The following PIKFYVE variants were observed in gnomAD, a reference collection of about 807,000 sequenced individuals.
PIKFYVE encodes the protein phosphoinositide kinase, FYVE-type zinc finger containing.
A neutral mutation model predicts 257.9 loss-of-function variants in PIKFYVE; 122 were observed. The observed-to-expected ratio is 0.47, with a 90% CI of 0.41 to 0.55. The LOEUF (loss-of-function observed/expected upper bound fraction) is 0.55. PIKFYVE is among the 20% of genes least tolerant of loss of function. PIKFYVE has a pLI of 0.00. For missense variants in PIKFYVE, 2,160 were observed against 2,536.6 expected (o/e 0.85, Z 3.19); for synonymous variants, 892 against 868.9 (o/e 1.03, Z -0.47).
At chr2:208,327,575 T>G (rs2125602515) in intron 20 of PIKFYVE, among the ~76,000 whole-genome samples, 1 of 152,310 alleles carries the variant, frequency 6.6e-6, no homozygotes, top group East Asian at 1.9e-4. Context: ...CTGTTTGTAC[T>G]TAGGAAGTGA....
At position 208,358,574 on chromosome 2, in the gene PIKFYVE, A is replaced by T. The variant is rs1001438917; in HGVS notation, c.*3269A>T. ...AAATCATAGTAGCCTCTTTTAATTT[A>T]ATATGAAAAATGCCACTATATTGAA... is the stretch of plus-strand genomic sequence containing the variant. On this transcript the variant is annotated 3_prime_UTR_variant, in exon 42 of 42. Transcript: ENST00000264380. 1 of 152,590 alleles carries T rather than the reference A, an allele frequency of 6.6e-6. No individual in the cohort carries two copies. The highest frequency in any genetic ancestry group is 2.4e-5 in the African/African-American group (1 of 41,444). 9.5% of individuals were successfully genotyped at this position (152,590 alleles called of 1,614,324 possible).
chr2:208,344,054 G>A (rs928791228), intron 32 of PIKFYVE, among the ~76,000 whole-genome samples: 8 of 151,780 alleles, frequency 5.3e-5, no homozygotes, highest in African/African-American at 1.5e-4. Flanking sequence ...TCCTGACCTC[G>A]TGATCCACCC....
intron 12 of PIKFYVE, among the ~76,000 whole-genome samples, chr2:208,308,955 A>T (rs1016297828): frequency 1.3e-5 from 2 of 152,056 alleles, no homozygotes; most frequent in African/African-American, 4.8e-5. Context: ...CAGTCCGCCA[A>T]CCTAGGCCTC....
chr2:208,269,547 C>A, intron 1 of PIKFYVE: 1 of 283,234 alleles, frequency 3.5e-6, no homozygotes. Context: ...CTTGGTTCTG[C>A]TTCTTGGCTG....
At chr2:208,349,331 GTTC>G (rs1210932131) in intron 35 of PIKFYVE, among the ~76,000 whole-genome samples, 3 of 151,980 alleles carry the variant, frequency 2.0e-5, no homozygotes, top group Non-Finnish European at 2.9e-5. Flanking sequence ...GGGACTATTT[GTTC>G]TTCTAGATAT....
intron 23 of PIKFYVE, among the ~76,000 whole-genome samples, chr2:208,332,978 T>C (rs765937028): frequency 1.3e-5 from 2 of 152,174 alleles, no homozygotes; most frequent in Admixed American, 6.5e-5. Context: ...CTCACACCTG[T>C]AATCCCAGCA....
At chr2:208,354,273 T>C in intron 40 of PIKFYVE, 114 bp downstream of exon 40, 1 of 1,357,660 alleles carries the variant, frequency 7.4e-7, no homozygotes, top group Non-Finnish European at 1.0e-6. Context: ...CAAACTTTCA[T>C]TTGAAATTTC....
At chr2:208,342,423 A>T in intron 31 of PIKFYVE, 131 bp from the exon 32 acceptor site, 1 of 700,496 alleles carries the variant, frequency 1.4e-6, no homozygotes, top group Non-Finnish European at 2.4e-6. Flanking sequence ...TTGCCTTCAA[A>T]AACTTTCTCT....
At chr2:208,293,071 C>T (rs942565045) in intron 7 of PIKFYVE, among the ~76,000 whole-genome samples, 4 of 120,362 alleles carry the variant, frequency 3.3e-5, no homozygotes, top group Admixed American at 9.9e-5. Flanking sequence ...TTAAAGGATA[C>T]GAGTTACATT....
chr2:208,271,386 A>G, intron 1 of PIKFYVE, 125 bp from the exon 2 acceptor site: 1 of 890,234 alleles, frequency 1.1e-6, no homozygotes, highest in Non-Finnish European at 1.9e-6. Context: ...AGATTTATTT[A>G]CTGTTTGTTT....
At chr2:208,334,132 A>G (rs2125664310) in intron 24 of PIKFYVE, among the ~76,000 whole-genome samples, 1 of 152,376 alleles carries the variant, frequency 6.6e-6, no homozygotes, top group African/African-American at 2.4e-5. Context: ...TTCTGCCTTC[A>G]AAATATATCA....
At chr2:208,335,078 A>G (rs1697984068) in intron 24 of PIKFYVE, among the ~76,000 whole-genome samples, 4 of 152,218 alleles carry the variant, frequency 2.6e-5, no homozygotes, top group Admixed American at 2.0e-4. Flanking sequence ...TTCAAGGGAT[A>G]AATGATGGTA....
intron 1 of PIKFYVE, among the ~76,000 whole-genome samples, chr2:208,267,938 C>T (rs75789330): frequency 0.011 from 1,685 of 152,308 alleles, 41 homozygotes; most frequent in African/African-American, 0.039. Flanking sequence ...GCAGCCACGT[C>T]CGGCCTTTAC....
At position 208,325,949 on chromosome 2, in the gene PIKFYVE, G is replaced by A. The variant is rs1696880462; in HGVS notation, c.3138G>A (p.Lys1046=). The change falls in exon 20 of 42, where the codon AAG becomes AAA. Residue 1046 remains lysine (K), a synonymous_variant. Transcript: ENST00000264380. ...GAAAGACTTATTCTTTGGCCTTTAA[G>A]CAGGAATTAAAAGATGTGATCCTCT... is the stretch of plus-strand genomic sequence containing the variant. ...DKRKTYSLAF[K]QELKDVILCI... is the part of the protein sequence containing the mutation. The A allele has an allele frequency of 6.2e-7, 1 of 1,613,964 alleles. No homozygotes were observed. Among genetic ancestry groups the A allele is most frequent in the Admixed American group, 1.7e-5 (1 of 60,006 alleles).
intron 6 of PIKFYVE, 104 bp from the exon 7 acceptor site, chr2:208,288,625 A>G (rs1691892454): frequency 1.3e-6 from 2 of 1,508,290 alleles, no homozygotes; most frequent in Non-Finnish European, 8.9e-7. Flanking sequence ...TAATCTCATT[A>G]TTGCAAGGAA....
Position 208,319,984 on chromosome 2 carries a change from T to TA in PIKFYVE, c.2083-258dup, listed in dbSNP as rs369708838. Among the ~76,000 whole-genome samples the TA allele has an allele frequency of 7.5e-3, 1,103 of 146,716 alleles. 11 individuals are homozygous for TA. The highest frequency in any genetic ancestry group is 0.026 in the African/African-American group (1,038 of 40,168). ...ATGTCTCTTCTTACAACATCAGAAATAAAAAAAAAAGTTAAAGAGTATAGA... is the reference window on the plus strand; with the variant it reads ...ATGTCTCTTCTTACAACATCAGAAATAAAAAAAAAAAGTTAAAGAGTATAGA... On this transcript the variant is annotated intron_variant, in intron 16 of 41. Coordinates refer to ENST00000264380, the MANE Select transcript of PIKFYVE (RefSeq NM_015040.4).
At chr2:208,305,215 C>T (rs1319702000) in intron 12 of PIKFYVE, 3 of 1,466,816 alleles carry the variant, frequency 2.0e-6, no homozygotes, top group Non-Finnish European at 2.7e-6. Context: ...TTGTTTTCTC[C>T]CTCAGCACCA....
chr2:208,336,465 G>A (rs915821043), intron 27 of PIKFYVE, among the ~76,000 whole-genome samples: 28 of 152,146 alleles, frequency 1.8e-4, no homozygotes, highest in Admixed American at 4.6e-4. Flanking sequence ...TTGTTCAGAT[G>A]TGTGTGCTGT....
chr2:208,300,124 A>G (rs1693500730), intron 8 of PIKFYVE, among the ~76,000 whole-genome samples: 1 of 152,226 alleles, frequency 6.6e-6, no homozygotes. Context: ...ATAATAAAAA[A>G]GTGTCAAATA....
Sources: gnomAD v4.1 joint callset for allele counts (sites outside exome capture counted in the v4.1 genomes callset) on GRCh38, gnomAD v4.1.1 for gene constraint, MANE v1.5 for transcripts, NCBI Gene and HGNC (gene_info 2026-07-23, HGNC 2026-07-21) for gene names.